DHRS3: variants seen among roughly 807,000 people sequenced by gnomAD.
DHRS3 encodes short-chain dehydrogenase/reductase 3.
In DHRS3, 14 loss-of-function variants were observed where a neutral mutation model predicts 27.2. That is an observed-to-expected ratio of 0.52 (90% CI 0.34 to 0.81). The LOEUF is 0.81. Among genes scored for constraint, DHRS3 ranks in the 30% least tolerant of loss-of-function variants. The pLI is 0.01. For missense variants in DHRS3, 322 were observed against 406.2 expected, an observed-to-expected ratio of 0.79 and a Z score of 1.78; for synonymous variants, 165 against 175.9, an observed-to-expected ratio of 0.94 and a Z score of 0.49.
intron 2 of DHRS3, chr1:12,579,865 A>G (rs1646628283): frequency 5.8e-6 from 1 of 173,648 alleles, no homozygotes. Flanking sequence ...TGTTATTTAC[A>G]AGTTTTTCTT....
At chr1:12,585,941 T>G (rs1002099067) in intron 1 of DHRS3, among the ~76,000 whole-genome samples, 4 of 152,208 alleles carry the variant, frequency 2.6e-5, no homozygotes, top group African/African-American at 9.6e-5. Context: ...GCCAGAGGCC[T>G]GGAATTTACT....
At chr1:12,588,899 G>A (rs950799855) in intron 1 of DHRS3, among the ~76,000 whole-genome samples, 3 of 152,224 alleles carry the variant, frequency 2.0e-5, no homozygotes, top group Admixed American at 1.3e-4. Flanking sequence ...GCCAGCTCAT[G>A]TCCCATGGGC....
At chr1:12,577,471 G>A (rs576411870) in intron 4 of DHRS3, among the ~76,000 whole-genome samples, 10 of 152,282 alleles carry the variant, frequency 6.6e-5, no homozygotes, top group African/African-American at 1.2e-4. Context: ...AGTGGTCCCC[G>A]TTCCCCTTGA....
chr1:12,584,175 C>T (rs1336891858), intron 1 of DHRS3, among the ~76,000 whole-genome samples: 1 of 152,154 alleles, frequency 6.6e-6, no homozygotes, highest in East Asian at 1.9e-4. Flanking sequence ...GGCAAATTGA[C>T]AGAGAGGAAA....
chr1:12,602,998 G>A (rs533588050), intron 1 of DHRS3, among the ~76,000 whole-genome samples: 1 of 152,390 alleles, frequency 6.6e-6, no homozygotes, highest in Non-Finnish European at 1.5e-5. Flanking sequence ...GGGAGGGCCA[G>A]GGAGAAGCCT....
intron 1 of DHRS3, among the ~76,000 whole-genome samples, chr1:12,616,314 C>G (rs1646944030): frequency 6.6e-6 from 1 of 152,154 alleles, no homozygotes; most frequent in Non-Finnish European, 1.5e-5. Context: ...CCGCGTGAGT[C>G]AGCCTGGCCT....
chr1:12,616,099 A>T (rs538470790), intron 1 of DHRS3, among the ~76,000 whole-genome samples: 3 of 152,262 alleles, frequency 2.0e-5, no homozygotes, highest in African/African-American at 7.2e-5. Context: ...CTGGAATTAC[A>T]TGCAGGTTTG....
intron 1 of DHRS3, among the ~76,000 whole-genome samples, chr1:12,607,271 T>TA (rs1436638560): frequency 6.6e-6 from 1 of 152,186 alleles, no homozygotes; most frequent in Non-Finnish European, 1.5e-5. Flanking sequence ...TTCTTAATCT[T>TA]AAAAAATCTT....
At chr1:12,572,909 G>C in intron 4 of DHRS3, 56 bp from the exon 5 acceptor site, 1 of 1,513,028 alleles carries the variant, frequency 6.6e-7, no homozygotes, top group East Asian at 2.4e-5. Context: ...TGCTTATCTG[G>C]AAGTCTTTAT....
In DHRS3 at chr1:12,611,219, C is replaced by T. The variant is rs538721919; in HGVS notation, c.195+5935G>A. 2.0e-5 allele frequency among the ~76,000 whole-genome samples: 3 copies of T among 152,190 alleles called. No individual in the cohort carries two copies. In the South Asian group the frequency reaches 6.2e-4, roughly 32 times the overall value. On this transcript the variant is annotated intron_variant, in intron 1 of 5. Transcript: ENST00000616661. Reference sequence around the variant, plus strand: ...ATGGAAGCTCAGAAGAGCTTGAAGTCGAAATGAGAATTAGCAGAAGGGCTG... The same window carrying T: ...ATGGAAGCTCAGAAGAGCTTGAAGTTGAAATGAGAATTAGCAGAAGGGCTG...
intron 1 of DHRS3, among the ~76,000 whole-genome samples, chr1:12,582,895 A>G (rs1446963444): frequency 7.9e-6 from 1 of 126,846 alleles, no homozygotes; most frequent in Non-Finnish European, 1.7e-5. Flanking sequence ...CATCTACCCT[A>G]CTCCATCCAT....
At chr1:12,577,267 T>C (rs553552309) in intron 4 of DHRS3, among the ~76,000 whole-genome samples, 2 of 152,332 alleles carry the variant, frequency 1.3e-5, no homozygotes, top group African/African-American at 4.8e-5. Flanking sequence ...CGCCATTTAT[T>C]GGGCACTTAA....
chr1:12,616,031 A>G (rs145756333), intron 1 of DHRS3, among the ~76,000 whole-genome samples: 133 of 152,364 alleles, frequency 8.7e-4, no homozygotes, highest in Non-Finnish European at 1.6e-3. Context: ...AGTCCCAGTC[A>G]GAGCCACCCC....
chr1:12,607,786 A>C (rs188284639), intron 1 of DHRS3, among the ~76,000 whole-genome samples: 34 of 152,318 alleles, frequency 2.2e-4, no homozygotes, highest in Non-Finnish European at 4.1e-4. Context: ...CATCGCTTAC[A>C]AAAGTGTCTT....
intron 1 of DHRS3, among the ~76,000 whole-genome samples, chr1:12,600,536 C>T (rs958242076): frequency 2.0e-5 from 3 of 152,234 alleles, no homozygotes; most frequent in African/African-American, 7.2e-5. Flanking sequence ...GACTGCCTGC[C>T]TGCATGAAGG....
intron 5 of DHRS3, 23 bp downstream of exon 5, chr1:12,572,705 A>C: frequency 1.3e-6 from 2 of 1,571,246 alleles, no homozygotes; most frequent in African/African-American, 2.7e-5. Context: ...CCTGACCCAG[A>C]GTGTTCTTTC....
rs1646749271 is a variant in DHRS3, at chr1:12,591,825, A to G, written c.196-11159T>C. On this transcript the variant is annotated intron_variant, in intron 1 of 5. Transcript: ENST00000616661. The surrounding 1 kb of genome is among the most constrained non-coding windows in gnomAD (Gnocchi z 4.1). ...GAAACAACATATTCATTCAGTGCAC[A>G]GGTACAGTGAGCTGATGCCATGTCC... 6.6e-6 allele frequency among the ~76,000 whole-genome samples: 1 copy of G among 152,374 alleles called. No individual in the cohort carries two copies. Among genetic ancestry groups the G allele is most frequent in the Non-Finnish European group, 1.5e-5 (1 of 68,028 alleles).
At chr1:12,595,014 C>T (rs1194726797) in intron 1 of DHRS3, among the ~76,000 whole-genome samples, 2 of 152,102 alleles carry the variant, frequency 1.3e-5, no homozygotes, top group African/African-American at 4.8e-5. Flanking sequence ...GGAGGGTTGG[C>T]TCTGGCAAGC....
rs1646633935 is a variant in DHRS3 at position 12,580,458 on chromosome 1, T to C, written c.339+65A>G. 3 of 1,610,268 alleles carry C rather than the reference T, an allele frequency of 1.9e-6. No homozygotes were observed. In the African/African-American group the frequency reaches 4.0e-5, roughly 21 times the overall value. Reference sequence around the variant, plus strand: ...CTCTCTTCCAGGCCACATGAGAATGTTCTCTTTGCCCGGAATTAGCCTGTG... The same window carrying C: ...CTCTCTTCCAGGCCACATGAGAATGCTCTCTTTGCCCGGAATTAGCCTGTG... On this transcript the variant is annotated intron_variant, in intron 2 of 5. Transcript: ENST00000616661.
Sources: gnomAD v4.1 joint callset for allele counts (sites outside exome capture counted in the v4.1 genomes callset) on GRCh38, gnomAD v4.1.1 for gene constraint, Gnocchi (gnomAD v3.1) non-coding constraint, MANE v1.5 for transcripts, NCBI Gene and HGNC (gene_info 2026-07-23, HGNC 2026-07-21) for gene names.